The following TCF4 variants were observed in gnomAD, a reference collection of about 807,000 sequenced individuals.
The protein encoded by TCF4 is SL3-3 enhancer factor 2.
Under a neutral mutation model 82.1 loss-of-function variants are expected in TCF4, and 3 were observed. The ratio of observed to expected loss-of-function variants is 0.04; its 90% confidence interval spans 0.02 to 0.09. The LOEUF is 0.09. Among genes scored for constraint, TCF4 ranks in the 10% least tolerant of loss-of-function variants. The pLI, the probability that TCF4 is intolerant of heterozygous loss-of-function variation, is 1.00. For synonymous variants in TCF4, 276 were observed against 309.6 expected (o/e 0.89, Z 1.14); for missense variants, 518 against 852.7 (o/e 0.61, Z 4.89).
chr18:55,239,872 A>G (rs2050695964), intron 15 of TCF4, among the ~76,000 whole-genome samples: 1 of 152,214 alleles, frequency 6.6e-6, no homozygotes, highest in African/African-American at 2.4e-5. Flanking sequence ...CTTTGTTTCC[A>G]GGGAGTATTG....
intron 3 of TCF4, among the ~76,000 whole-genome samples, chr18:55,517,834 A>G (rs904548510): frequency 6.6e-6 from 1 of 152,156 alleles, no homozygotes; most frequent in Non-Finnish European, 1.5e-5. Context: ...AGCAGCTCCA[A>G]TCAGGGAAGT....
intron 5 of TCF4, among the ~76,000 whole-genome samples, chr18:55,429,686 G>A (rs563181005): frequency 2.7e-5 from 4 of 150,188 alleles, no homozygotes; most frequent in East Asian, 4.0e-4. Flanking sequence ...GCGTGAACCC[G>A]GGAGGCGGAG....
chr18:55,531,043 C>T (rs1324781203), intron 3 of TCF4, among the ~76,000 whole-genome samples: 4 of 151,898 alleles, frequency 2.6e-5, no homozygotes, highest in Non-Finnish European at 5.9e-5. Flanking sequence ...CTTCCGCCTC[C>T]CGGGTTCAAG....
chr18:55,510,974 A>C (rs2096822023), intron 3 of TCF4, among the ~76,000 whole-genome samples: 1 of 152,182 alleles, frequency 6.6e-6, no homozygotes, highest in Non-Finnish European at 1.5e-5. Flanking sequence ...CACTGCAATA[A>C]GCACAATAAA....
intron 3 of TCF4, among the ~76,000 whole-genome samples, chr18:55,538,632 T>C (rs1159484179): frequency 2.0e-5 from 3 of 152,152 alleles, no homozygotes; most frequent in African/African-American, 7.2e-5. Flanking sequence ...GTGTTGGTCA[T>C]CCTACTGACA....
intron 3 of TCF4, among the ~76,000 whole-genome samples, chr18:55,533,082 G>T (rs772496518): frequency 5.3e-5 from 8 of 152,072 alleles, no homozygotes; most frequent in Admixed American, 6.6e-5. Context: ...AACAAAATGT[G>T]GTTCAAAACA....
chr18:55,243,543 A>G (rs1466045787), intron 15 of TCF4, among the ~76,000 whole-genome samples: 1 of 152,240 alleles, frequency 6.6e-6, no homozygotes, highest in Non-Finnish European at 1.5e-5. Context: ...AATGACATTA[A>G]GAGTAGCATT....
At chr18:55,576,211 GA>G (rs2097526979) in intron 3 of TCF4, among the ~76,000 whole-genome samples, 1 of 152,092 alleles carries the variant, frequency 6.6e-6, no homozygotes, top group Non-Finnish European at 1.5e-5. Flanking sequence ...AAAGAACCTA[GA>G]TTTCCAGAAT....
intron 3 of TCF4, 57 bp downstream of exon 3, chr18:55,585,223 T>C: frequency 6.6e-7 from 1 of 1,513,756 alleles, no homozygotes; most frequent in Non-Finnish European, 9.2e-7. Flanking sequence ...AACATACAAT[T>C]GAGTAAATAA....
intron 10 of TCF4, among the ~76,000 whole-genome samples, chr18:55,272,136 G>A (rs1200710136): frequency 1.3e-5 from 2 of 152,014 alleles, no homozygotes; most frequent in East Asian, 3.9e-4. Context: ...AAGGGTTAAC[G>A]CTGAGTTCAC....
At chr18:55,303,222 T>TAC (rs2068876451) in intron 8 of TCF4, among the ~76,000 whole-genome samples, 1 of 107,690 alleles carries the variant, frequency 9.3e-6, no homozygotes, top group Non-Finnish European at 1.9e-5. Context: ...TGGCTCCCAG[T>TAC]ACGTACACAC....
chr18:55,353,581 G>GA, intron 6 of TCF4, among the ~76,000 whole-genome samples: 1 of 152,186 alleles, frequency 6.6e-6, no homozygotes, highest in Admixed American at 6.5e-5. Flanking sequence ...CCTCCTTAGG[G>GA]AAAATGAAGA....
At chr18:55,519,137 T>A (rs1399482108) in intron 3 of TCF4, 1 of 152,110 alleles carries the variant, frequency 6.6e-6, no homozygotes, top group Non-Finnish European at 1.5e-5. Flanking sequence ...TCTTAAAAAG[T>A]TAAGACATGT....
intron 8 of TCF4, among the ~76,000 whole-genome samples, chr18:55,316,898 G>A (rs938275371): frequency 1.3e-5 from 2 of 152,006 alleles, no homozygotes; most frequent in Non-Finnish European, 2.9e-5. Context: ...AGACCTAGCA[G>A]AAATTAGGAA....
At chr18:55,543,975 T>C (rs561654823) in intron 3 of TCF4, among the ~76,000 whole-genome samples, 1 of 152,266 alleles carries the variant, frequency 6.6e-6, no homozygotes, top group South Asian at 2.1e-4. Flanking sequence ...CCACATTTTT[T>C]AAAAGAATCA....
At chr18:55,259,807 C>T in intron 13 of TCF4, 142 bp downstream of exon 13, 2 of 722,836 alleles carry the variant, frequency 2.8e-6, no homozygotes, top group Non-Finnish European at 5.0e-6. Flanking sequence ...TCTCTCCCAC[C>T]CTTTGTATTT....
At position 55,505,823 on chromosome 18, in the gene TCF4, A is replaced by G. The variant is rs1013472513; in HGVS notation, c.146-41686T>C. On this transcript the variant is annotated intron_variant, in intron 3 of 19. Transcript: ENST00000354452. The stretch of plus-strand genomic sequence containing the variant: ...CGTCTCAAAAAAAAAAAAAAAAAAA[A>G]GCAACCAGAACAAATAACTATGACA... Among the ~76,000 whole-genome samples, 3 of 145,522 alleles carry G rather than the reference A, an allele frequency of 2.1e-5. No homozygotes were observed. In the South Asian group the frequency reaches 6.6e-4, roughly 32 times the overall value.
chr18:55,530,023 C>A (rs2097041285), intron 3 of TCF4, among the ~76,000 whole-genome samples: 2 of 152,172 alleles, frequency 1.3e-5, no homozygotes, highest in Admixed American at 1.3e-4. Context: ...AAGGTTCAAA[C>A]CTGACTACTC....
At position 55,410,732 on chromosome 18, in the gene TCF4, G is replaced by A. The variant is rs2146674173; in HGVS notation, c.305-7214C>T. Among the ~76,000 whole-genome samples the A allele has an allele frequency of 2.0e-5, 3 of 152,138 alleles. No individual in the cohort carries two copies. The South Asian group carries it at 6.2e-4, about 32-fold the overall frequency. On this transcript the variant is annotated intron_variant, in intron 5 of 19. Transcript: ENST00000354452. ...TGTATCATTATTAGTGCCTACTGTAGCAACAACCATTGCCTTCTCACTACC... is the reference window on the plus strand; with the variant it reads ...TGTATCATTATTAGTGCCTACTGTAACAACAACCATTGCCTTCTCACTACC...
Sources: allele counts gnomAD v4.1 joint callset (sites outside exome capture counted in the v4.1 genomes callset), GRCh38; gene constraint gnomAD v4.1.1; transcripts MANE v1.5; gene names NCBI Gene and HGNC (gene_info 2026-07-23, HGNC 2026-07-21).